Variants in PLIN3 observed in about 807,000 individuals in gnomAD.
PLIN3 encodes perilipin-3.
A neutral mutation model predicts 35.9 loss-of-function variants in PLIN3; 30 were observed. That is an observed-to-expected ratio of 0.84 (90% CI 0.62 to 1.13). PLIN3 has a LOEUF of 1.13. Among genes scored for constraint, PLIN3 ranks in the 50% most tolerant of loss-of-function variants. PLIN3 has a pLI of 0.00. For missense variants in PLIN3, 603 were observed against 596.9 expected (o/e 1.01, Z -0.11); for synonymous variants, 261 against 262.5 (o/e 0.99, Z 0.06).
At chr19:4,851,995 C>T (rs779321961) in intron 5 of PLIN3, 21 bp downstream of exon 5, 2 of 1,603,354 alleles carry the variant, frequency 1.2e-6, no homozygotes, top group East Asian at 2.2e-5. Context: ...GGTCCCAGAG[C>T]AGCCCGCTGG....
chr19:4,847,914 T>G lies in PLIN3; in HGVS notation c.635-24A>C, dbSNP rs772879225. The stretch of plus-strand genomic sequence containing the variant: ...GGCTGCAAGGAAAAGGAGAAGGGTC[T>G]CTGTGAAGACCAGAACACACAGCTG... On this transcript the variant is annotated intron_variant, in intron 5 of 7. Transcript: ENST00000221957. 19 of 1,581,264 alleles carry G rather than the reference T, an allele frequency of 1.2e-5. No homozygotes were observed. The Admixed American group carries it at 2.7e-4, about 23-fold the overall frequency.
intron 4 of PLIN3, among the ~76,000 whole-genome samples, chr19:4,856,904 C>T (rs2030494444): frequency 6.6e-6 from 1 of 151,850 alleles, no homozygotes; most frequent in African/African-American, 2.4e-5. Flanking sequence ...CAGGGTTTCA[C>T]CATGTTGGCC....
chr19:4,842,361 G>A (rs1486860811), intron 7 of PLIN3, among the ~76,000 whole-genome samples: 1 of 151,788 alleles, frequency 6.6e-6, no homozygotes, highest in Non-Finnish European at 1.5e-5. Flanking sequence ...CCCAGGAGGT[G>A]GAGGCTGCAG....
At chr19:4,859,765 T>A in intron 3 of PLIN3, 61 bp downstream of exon 3, 1 of 1,595,020 alleles carries the variant, frequency 6.3e-7, no homozygotes, top group Non-Finnish European at 8.6e-7. Flanking sequence ...TAGACCCCCC[T>A]ACTCCCCACC....
intron 1 of PLIN3, chr19:4,866,929 G>C (rs946529622): frequency 6.5e-6 from 1 of 152,688 alleles, no homozygotes; most frequent in Admixed American, 6.5e-5. Flanking sequence ...CAGCCATCCA[G>C]CAACTTCAGA....
Position 4,839,170 on chromosome 19 carries a change from C to G in PLIN3, c.*22G>C, listed in dbSNP as rs186210004. ...ACAGCTGCATTATAGAGACGGGGCC[C>G]GCTGAGTCCTCTCCTCTCCCCCTAC... On this transcript the variant is annotated 3_prime_UTR_variant, in exon 8 of 8. Coordinates refer to ENST00000221957, the MANE Select transcript of PLIN3 (RefSeq NM_005817.5). 1 of 1,566,664 alleles carries G rather than the reference C, an allele frequency of 6.4e-7. No individual in the cohort carries two copies. Among genetic ancestry groups the G allele is most frequent in the Non-Finnish European group, 8.7e-7 (1 of 1,148,304 alleles).
chr19:4,839,790 C>T (rs111858416), intron 7 of PLIN3, among the ~76,000 whole-genome samples: 126 of 139,336 alleles, frequency 9.0e-4, no homozygotes, highest in African/African-American at 2.3e-3. Flanking sequence ...CTCAGCCTCC[C>T]GAGTAGCTGG....
At chr19:4,855,592 T>G (rs1404530196) in intron 4 of PLIN3, among the ~76,000 whole-genome samples, 1 of 152,064 alleles carries the variant, frequency 6.6e-6, no homozygotes, top group Non-Finnish European at 1.5e-5. Flanking sequence ...GCCCAGGAGT[T>G]TGTTTTTTGT....
chr19:4,861,291 C>T (rs772026361), intron 2 of PLIN3, 38 bp downstream of exon 2: 10 of 1,580,022 alleles, frequency 6.3e-6, no homozygotes, highest in South Asian at 2.2e-5. Context: ...ACGGGAATCA[C>T]AGGGTCGGGG....
At chr19:4,843,041 C>T (rs150214897) in intron 7 of PLIN3, among the ~76,000 whole-genome samples, 3,040 of 148,908 alleles carry the variant, frequency 0.02, 96 homozygotes, top group African/African-American at 0.071. Context: ...GCCAACATGG[C>T]GAAACCCCGT....
intron 7 of PLIN3, among the ~76,000 whole-genome samples, chr19:4,842,665 G>C (rs911561116): frequency 2.0e-5 from 3 of 150,156 alleles, no homozygotes; most frequent in Non-Finnish European, 4.4e-5. Context: ...AGCCCTGGCA[G>C]CTGGAGGACT....
intron 6 of PLIN3, among the ~76,000 whole-genome samples, 197 bp from the exon 7 acceptor site, chr19:4,844,990 G>A (rs914502428): frequency 6.6e-6 from 1 of 152,178 alleles, no homozygotes; most frequent in African/African-American, 2.4e-5. Flanking sequence ...CTCAGGCTCT[G>A]TGTGGTTGGT....
chr19:4,851,372 G>GA (rs1424381108), intron 5 of PLIN3, among the ~76,000 whole-genome samples: 1 of 152,132 alleles, frequency 6.6e-6, no homozygotes, highest in Non-Finnish European at 1.5e-5. Flanking sequence ...GATGAGGCAG[G>GA]AGACTCGCTT....
In PLIN3 at chr19:4,839,304, C is replaced by T. The variant is rs751566130; in HGVS notation, c.1193G>A (p.Arg398His). ...AQSRERVASA[R>H]EALDHMVEYV... ...TTCCACCATGTGGTCCAGGGCCTCG[C>T]GGGCGCTGGCGACACGCTCACGGCT... is the stretch of plus-strand genomic sequence containing the variant. Residue 398 changes from arginine (R) to histidine (H), a missense_variant, in exon 8 of 8, where the codon CGC (arginine) becomes CAC (histidine). Coordinates refer to ENST00000221957, the MANE Select transcript of PLIN3 (RefSeq NM_005817.5). The T allele has an allele frequency of 2.0e-5, 33 of 1,613,908 alleles. No homozygotes were observed. The Admixed American group carries it at 2.8e-4, about 14-fold the overall frequency.
At chr19:4,847,296 C>T (rs1277240632) in intron 6 of PLIN3, among the ~76,000 whole-genome samples, 3 of 151,662 alleles carry the variant, frequency 2.0e-5, no homozygotes, top group Non-Finnish European at 4.4e-5. Flanking sequence ...CTCAAGCAAT[C>T]GTCCCACCTC....
intron 6 of PLIN3, among the ~76,000 whole-genome samples, chr19:4,846,117 C>T (rs1484094853): frequency 6.6e-6 from 1 of 150,914 alleles, no homozygotes; most frequent in African/African-American, 2.4e-5. Context: ...GTCCCAGCTA[C>T]CAGAAGGCTG....
At chr19:4,859,501 C>T in intron 4 of PLIN3, 89 bp downstream of exon 4, 1 of 1,105,442 alleles carries the variant, frequency 9.0e-7, no homozygotes, top group Admixed American at 1.7e-5. Flanking sequence ...AGGATGCCAT[C>T]AAGCTTGTCT....
At chr19:4,863,470 C>G (rs2030741530) in intron 1 of PLIN3, among the ~76,000 whole-genome samples, 1 of 141,604 alleles carries the variant, frequency 7.1e-6, no homozygotes, top group Non-Finnish European at 1.5e-5. Flanking sequence ...GCACTCCAGC[C>G]TGGGCAACAG....
At chr19:4,839,623 G>T in intron 7 of PLIN3, 87 bp from the exon 8 acceptor site, 2 of 1,084,376 alleles carry the variant, frequency 1.8e-6, no homozygotes, top group South Asian at 2.0e-5. Flanking sequence ...GGGGAAGAGG[G>T]GTTCTACCAC....
Sources: gnomAD v4.1 joint callset for allele counts (sites outside exome capture counted in the v4.1 genomes callset) on GRCh38, gnomAD v4.1.1 for gene constraint, MANE v1.5 for transcripts, NCBI Gene and HGNC (gene_info 2026-07-23, HGNC 2026-07-21) for gene names.